The following RGS12 variants were observed in gnomAD, a reference collection of about 807,000 sequenced individuals.
RGS12 encodes regulator of G-protein signaling 12.
RGS12 carries 66 observed loss-of-function variants against 120.1 expected under a neutral mutation model. The observed-to-expected ratio is 0.55, with a 90% CI of 0.45 to 0.67. RGS12 has a LOEUF of 0.67. RGS12 is among the 30% of genes least tolerant of loss of function. RGS12 has a pLI of 0.00. For synonymous variants in RGS12, 827 were observed against 804.7 expected, an observed-to-expected ratio of 1.03 and a Z score of -0.47; for missense variants, 1,859 against 1,957.7, an observed-to-expected ratio of 0.95 and a Z score of 0.95.
intron 1 of RGS12, among the ~76,000 whole-genome samples, chr4:3,315,228 C>T (rs1207551732): frequency 6.6e-6 from 1 of 152,200 alleles, no homozygotes; most frequent in Non-Finnish European, 1.5e-5. Flanking sequence ...TGTGTGGAAT[C>T]CTTTCGCTGT....
chr4:3,394,195 C>T (rs1441070405), intron 4 of RGS12, among the ~76,000 whole-genome samples: 1 of 151,994 alleles, frequency 6.6e-6, no homozygotes, highest in African/African-American at 2.4e-5. Context: ...CAGAGTCTCG[C>T]TCTGTCACCC....
At position 3,407,021 on chromosome 4, in the gene RGS12, A is replaced by C. The variant is rs372103059; in HGVS notation, c.2021-7051A>C. Among the ~76,000 whole-genome samples the C allele has an allele frequency of 2.2e-4, 33 of 152,348 alleles. No homozygotes were observed. In the East Asian group the frequency reaches 3.7e-3, roughly 17 times the overall value. On this transcript the variant is annotated intron_variant, in intron 4 of 17. Transcript: ENST00000336727. ...TAGGTTTTATATTTATGGGACTAAA[A>C]ATTTTTTAATTTAAGTTACATGTGG...
chr4:3,387,756 C>T (rs763349932), intron 4 of RGS12, among the ~76,000 whole-genome samples: 4 of 152,146 alleles, frequency 2.6e-5, no homozygotes, highest in African/African-American at 7.2e-5. Flanking sequence ...CTCTTTCTGC[C>T]GTGTTCTCAC....
chr4:3,330,488 AG>A (rs569878786), intron 2 of RGS12, among the ~76,000 whole-genome samples: 20 of 152,200 alleles, frequency 1.3e-4, no homozygotes, highest in Non-Finnish European at 2.9e-4. Context: ...CTGTACTAGA[AG>A]GGCGTGAAGA....
intron 3 of RGS12, among the ~76,000 whole-genome samples, chr4:3,367,838 G>A (rs1163833256): frequency 1.3e-5 from 2 of 152,202 alleles, no homozygotes; most frequent in African/African-American, 2.4e-5. Flanking sequence ...GAACCCGGAG[G>A]CCCTGTTGTT....
rs13133323 is a variant in RGS12 at position 3,309,291 on chromosome 4, G to A, written c.-101-6779G>A. ...CCGTGTTGAGGAGGAGCTGGGACTCGGGAATGGCAGGTGTCTGCTGAGGAG... is the reference window on the plus strand; with the variant it reads ...CCGTGTTGAGGAGGAGCTGGGACTCAGGAATGGCAGGTGTCTGCTGAGGAG... On this transcript the variant is annotated intron_variant, in intron 1 of 17. Transcript: ENST00000336727. Among the ~76,000 whole-genome samples, 2 of 143,052 alleles carry A rather than the reference G, an allele frequency of 1.4e-5. 1 individual carries two copies. Among genetic ancestry groups the A allele is most frequent in the Non-Finnish European group, 3.0e-5 (2 of 65,678 alleles). 93.8% of individuals were successfully genotyped at this position (143,052 alleles called of 152,430 possible).
At chr4:3,369,151 C>T (rs1328990269) in intron 3 of RGS12, among the ~76,000 whole-genome samples, 1 of 152,166 alleles carries the variant, frequency 6.6e-6, no homozygotes, top group African/African-American at 2.4e-5. Context: ...GATTCCTCTG[C>T]TTGCTGGGGG....
rs190898818 is a variant in RGS12 at position 3,439,633 on chromosome 4, G to A, written c.4293G>A (p.Pro1431=). Reference sequence around the variant, plus strand: ...ACCTCCCTGGCTTGGGCCCCGTCCCGGGTGAGCCTGCTAAGCCCAAGACCA... The same window carrying A: ...ACCTCCCTGGCTTGGGCCCCGTCCCAGGTGAGCCTGCTAAGCCCAAGACCA... The part of the protein sequence containing the change: ...TSDLPGLGPV[P]GEPAKPKTSA... The change falls in exon 18 of 18, where the codon CCG becomes CCA. Residue 1431 remains proline, a synonymous_variant. Transcript: ENST00000336727. The A allele has an allele frequency of 4.0e-5, 63 of 1,591,258 alleles. No individual in the cohort carries two copies. Among genetic ancestry groups the A allele is most frequent in the Admixed American group, 8.6e-5 (5 of 58,380 alleles).
intron 17 of RGS12, chr4:3,432,201 AT>A: frequency 1.0e-6 from 1 of 975,124 alleles, no homozygotes; most frequent in African/African-American, 1.7e-5. Flanking sequence ...TTTCTTTCTC[AT>A]TTGAAACTTT....
At chr4:3,415,502 G>A (rs561140214) in intron 6 of RGS12, among the ~76,000 whole-genome samples, 60 of 152,340 alleles carry the variant, frequency 3.9e-4, no homozygotes, top group Middle Eastern at 3.4e-3. Flanking sequence ...ATCCCGGGCC[G>A]TGCTTTCGCA....
In RGS12 at chr4:3,439,623, G is replaced by T; in HGVS notation, c.4283G>T (p.Gly1428Val). The T allele has an allele frequency of 6.2e-7, 1 of 1,600,414 alleles. No homozygotes were observed. Among genetic ancestry groups the T allele is most frequent in the East Asian group, 2.2e-5 (1 of 44,676 alleles). The change falls in exon 18 of 18, where the codon GGC becomes GTC. Residue 1428 changes from glycine (G) to valine (V), a missense_variant. This residue lies in a region of RGS12 where 517 missense variants were observed against 488.5 expected (regional missense o/e 1.06). Coordinates refer to ENST00000336727, the MANE Select transcript of RGS12 (RefSeq NM_001394154.1). Reference protein sequence around the residue: ...GPPTSDLPGLGPVPGEPAKPK... With the variant: ...GPPTSDLPGLVPVPGEPAKPK... The stretch of plus-strand genomic sequence containing the variant: ...CCTACATCAGACCTCCCTGGCTTGG[G>T]CCCCGTCCCGGGTGAGCCTGCTAAG...
At chr4:3,395,108 T>C (rs1719920307) in intron 4 of RGS12, among the ~76,000 whole-genome samples, 1 of 151,866 alleles carries the variant, frequency 6.6e-6, no homozygotes, top group Non-Finnish European at 1.5e-5. Flanking sequence ...CAGGAGAATC[T>C]CTTGAACCTG....
chr4:3,322,684 A>T (rs576153323), intron 2 of RGS12, among the ~76,000 whole-genome samples: 1 of 152,220 alleles, frequency 6.6e-6, no homozygotes, highest in Non-Finnish European at 1.5e-5. Flanking sequence ...AAAAATGAAA[A>T]TATGTTATTT....
chr4:3,399,911 C>T (rs145769194), intron 4 of RGS12, among the ~76,000 whole-genome samples: 1 of 152,344 alleles, frequency 6.6e-6, no homozygotes, highest in Non-Finnish European at 1.5e-5. Context: ...GGAGCGCTTC[C>T]TAAATGGGGC....
intron 2 of RGS12, among the ~76,000 whole-genome samples, chr4:3,335,686 CTG>C (rs763895364): frequency 8.5e-5 from 13 of 152,180 alleles, no homozygotes; most frequent in Non-Finnish European, 4.4e-5. Flanking sequence ...TGGCTCACAC[CTG>C]TAATCCGAGC....
At position 3,439,608 on chromosome 4, in the gene RGS12, A is replaced by T; in HGVS notation, c.4268A>T (p.Asp1423Val). ...SQASGGPPTS[D>V]LPGLGPVPGE... ...GCCAGTGGTGGGCCTCCTACATCAG[A>T]CCTCCCTGGCTTGGGCCCCGTCCCG... Residue 1423 changes from aspartate to valine, a missense_variant, in exon 18 of 18, where the codon GAC becomes GTC. Around this residue, in one of 3 missense-constraint regions of RGS12, gnomAD observed 517 missense variants for 488.5 expected, o/e 1.06. Transcript: ENST00000336727. 6.2e-7 allele frequency: 1 copy of T among 1,606,618 alleles called. No homozygotes were observed.
At chr4:3,357,947 T>G (rs1387988554) in intron 3 of RGS12, among the ~76,000 whole-genome samples, 1 of 152,212 alleles carries the variant, frequency 6.6e-6, no homozygotes, top group Non-Finnish European at 1.5e-5. Flanking sequence ...TTGGGGAGTA[T>G]TGACATCTTA....
intron 3 of RGS12, among the ~76,000 whole-genome samples, chr4:3,359,907 G>A (rs2108837373): frequency 6.6e-6 from 1 of 152,238 alleles, no homozygotes; most frequent in South Asian, 2.1e-4. Flanking sequence ...ACAGGCATGA[G>A]CCACCGTGCC....
At chr4:3,324,440 G>T in intron 2 of RGS12, 1 of 248,066 alleles carries the variant, frequency 4.0e-6, no homozygotes, top group South Asian at 4.4e-5. Flanking sequence ...AACAGTCTCT[G>T]CTTCTTCTCT....
Sources: gnomAD v4.1 joint callset for allele counts (sites outside exome capture counted in the v4.1 genomes callset) on GRCh38, gnomAD v4.1.1 for gene constraint, gnomAD v4.1.1 regional missense constraint, MANE v1.5 for transcripts, NCBI Gene and HGNC (gene_info 2026-07-23, HGNC 2026-07-21) for gene names.